Variants in WWOX observed in about 807,000 individuals in gnomAD.
WWOX encodes the protein WW domain containing oxidoreductase.
In WWOX, 69 loss-of-function variants were observed where a neutral mutation model predicts 46.2. The ratio of observed to expected loss-of-function variants is 1.49; its 90% CI spans 1.23 to 1.82. The LOEUF is 1.82. WWOX is among the 40% of genes most tolerant of loss of function. The pLI is 0.00. For synonymous variants in WWOX, 359 were observed against 202.6 expected, an observed-to-expected ratio of 1.77 and a Z score of -6.56; for missense variants, 919 against 542.6, an observed-to-expected ratio of 1.69 and a Z score of -6.89.
At chr16:79,197,135 C>G (rs2051256471) in intron 8 of WWOX, among the ~76,000 whole-genome samples, 1 of 152,160 alleles carries the variant, frequency 6.6e-6, no homozygotes, top group African/African-American at 2.4e-5. Flanking sequence ...TTGAAACATG[C>G]TTAAAATTCA....
At chr16:79,009,068 G>C (rs1216415561) in intron 8 of WWOX, among the ~76,000 whole-genome samples, 1 of 152,176 alleles carries the variant, frequency 6.6e-6, no homozygotes, top group African/African-American at 2.4e-5. Context: ...TATTTAGAGG[G>C]ATCCACGGAG....
rs2044222481 is a variant in WWOX, at chr16:78,875,782, G to C, written c.1057-335826G>C. Among the ~76,000 whole-genome samples, 3 of 152,136 alleles carry C rather than the reference G, an allele frequency of 2.0e-5. No individual in the cohort carries two copies. In the South Asian group the frequency reaches 6.2e-4, roughly 31 times the overall value. ...GTCAGTGTAGGCTCTGCATGTCCTGGATAATCCTACAATTGGTGACACGGT... is the reference window on the plus strand; with the variant it reads ...GTCAGTGTAGGCTCTGCATGTCCTGCATAATCCTACAATTGGTGACACGGT... On this transcript the variant is annotated intron_variant, in intron 8 of 8. Transcript: ENST00000566780.
At chr16:78,141,107 G>A (rs536768382) in intron 4 of WWOX, among the ~76,000 whole-genome samples, 1 of 152,324 alleles carries the variant, frequency 6.6e-6, no homozygotes, top group South Asian at 2.1e-4. Flanking sequence ...GGGATTGCCT[G>A]CTTTTGGATC....
chr16:78,731,137 G>A (rs866401871), intron 8 of WWOX, among the ~76,000 whole-genome samples: 1 of 152,138 alleles, frequency 6.6e-6, no homozygotes, highest in Non-Finnish European at 1.5e-5. Context: ...GTTTAACTGG[G>A]CTGTGTAAGC....
intron 8 of WWOX, among the ~76,000 whole-genome samples, chr16:79,084,949 G>T (rs1287461569): frequency 6.6e-6 from 1 of 152,050 alleles, no homozygotes; most frequent in Non-Finnish European, 1.5e-5. Flanking sequence ...TCAAAATACA[G>T]ACACAGTTGT....
intron 8 of WWOX, among the ~76,000 whole-genome samples, chr16:78,861,995 A>G (rs1438990039): frequency 6.6e-6 from 1 of 152,126 alleles, no homozygotes; most frequent in African/African-American, 2.4e-5. Context: ...AACTAATACT[A>G]TATGTGTGTG....
intron 5 of WWOX, among the ~76,000 whole-genome samples, chr16:78,369,504 C>T (rs1450314348): frequency 6.6e-6 from 1 of 152,180 alleles, no homozygotes; most frequent in African/African-American, 2.4e-5. Flanking sequence ...TCAGGCACAA[C>T]ATGCAACCAA....
rs1228260106 is a variant in WWOX, at chr16:78,156,739, C to A, written c.410-7444C>A. Among the ~76,000 whole-genome samples the A allele has an allele frequency of 2.0e-5, 3 of 151,846 alleles. No individual in the cohort carries two copies. The East Asian group carries it at 5.8e-4, about 29-fold the overall frequency. On this transcript the variant is annotated intron_variant, in intron 4 of 8. Transcript: ENST00000566780. ...AGGAGTTCGAGAGCAGCCTGGCCAA[C>A]ATGGTGAAATCCCGTCTCTACTAAA...
chr16:78,878,407 C>G (rs753317209), intron 8 of WWOX, among the ~76,000 whole-genome samples: 1 of 152,188 alleles, frequency 6.6e-6, no homozygotes, highest in Non-Finnish European at 1.5e-5. Flanking sequence ...AAATTGACCT[C>G]TCTAAGCCTC....
chr16:78,374,581 G>C (rs1470009348), intron 5 of WWOX, among the ~76,000 whole-genome samples: 2 of 115,110 alleles, frequency 1.7e-5, no homozygotes, highest in Admixed American at 2.1e-4. Context: ...CAGAGTTTCT[G>C]TCTGTCGCCC....
At chr16:78,908,764 C>G (rs868572358) in intron 8 of WWOX, among the ~76,000 whole-genome samples, 1 of 152,166 alleles carries the variant, frequency 6.6e-6, no homozygotes, top group Middle Eastern at 3.4e-3. Context: ...GGGTGGGAGC[C>G]ACAAGACCAT....
intron 8 of WWOX, among the ~76,000 whole-genome samples, chr16:78,714,566 C>T (rs2048519562): frequency 6.6e-6 from 1 of 151,930 alleles, no homozygotes. Flanking sequence ...CATCTATATT[C>T]AAGACACTAT....
chr16:78,620,845 T>G (rs1409644505), intron 8 of WWOX, among the ~76,000 whole-genome samples: 1 of 152,164 alleles, frequency 6.6e-6, no homozygotes, highest in Non-Finnish European at 1.5e-5. Flanking sequence ...CTCAGTTTAT[T>G]TCTTCTTTCA....
chr16:78,339,009 A>G (rs1440909151), intron 5 of WWOX, among the ~76,000 whole-genome samples: 2 of 119,598 alleles, frequency 1.7e-5, no homozygotes, highest in Middle Eastern at 3.7e-3. Context: ...TTACTTCTTC[A>G]TTTTCTAGTC....
At chr16:78,419,568 C>A (rs2082874819) in intron 6 of WWOX, among the ~76,000 whole-genome samples, 1 of 147,030 alleles carries the variant, frequency 6.8e-6, no homozygotes, top group Non-Finnish European at 1.5e-5. Context: ...ACTGGATAGC[C>A]CCATGCAAAA....
chr16:78,826,074 G>T (rs2051647214), intron 8 of WWOX: 1 of 381,328 alleles, frequency 2.6e-6, no homozygotes, highest in Non-Finnish European at 4.7e-6. Flanking sequence ...ATAAAATATT[G>T]TACAAAGACA....
intron 8 of WWOX, among the ~76,000 whole-genome samples, chr16:78,452,104 A>C (rs2083703859): frequency 6.6e-6 from 1 of 152,186 alleles, no homozygotes; most frequent in Non-Finnish European, 1.5e-5. Flanking sequence ...TCAAATTTGA[A>C]TTAATAAAAT....
chr16:78,740,626 T>A (rs572729469), intron 8 of WWOX, among the ~76,000 whole-genome samples: 2 of 152,260 alleles, frequency 1.3e-5, no homozygotes, highest in African/African-American at 4.8e-5. Context: ...CTCCTAGTGC[T>A]GGAAGGGGAC....
chr16:78,888,498 C>T (rs961377317), intron 8 of WWOX, among the ~76,000 whole-genome samples: 11 of 152,176 alleles, frequency 7.2e-5, no homozygotes, highest in African/African-American at 1.7e-4. Context: ...ACTGACAGCT[C>T]TAGGCAGAAA....
Sources: gnomAD v4.1 joint callset for allele counts (sites outside exome capture counted in the v4.1 genomes callset) on GRCh38, gnomAD v4.1.1 for gene constraint, MANE v1.5 for transcripts, NCBI Gene and HGNC (gene_info 2026-07-23, HGNC 2026-07-21) for gene names.